AANAT: variants seen among roughly 807,000 people sequenced by gnomAD.
The protein encoded by AANAT is serotonin N-acetyltransferase.
In AANAT, 11 loss-of-function variants were observed where a neutral mutation model predicts 15.6. That is an observed-to-expected ratio of 0.71 (90% CI 0.44 to 1.17). The LOEUF is 1.17. Ranked by LOEUF, AANAT falls within the 50% of genes most tolerant of loss-of-function variation. The probability of loss-of-function intolerance (pLI) is 0.00; values close to 1 mark genes in which losing one functional copy is unlikely to be tolerated. For synonymous variants in AANAT, 139 were observed against 131.5 expected (o/e 1.06, Z -0.39); for missense variants, 286 against 296.3 (o/e 0.97, Z 0.26).
At chr17:76,465,712 T>C (rs2143973484), upstream of AANAT, among the ~76,000 whole-genome samples, 1 of 152,048 alleles carries the variant, frequency 6.6e-6, no homozygotes, top group Admixed American at 6.6e-5. Context: ...TCATTGGTGG[T>C]GGTATGTGGT....
intron 2 of AANAT, among the ~76,000 whole-genome samples, chr17:76,460,993 C>T (rs578107587): frequency 5.3e-5 from 8 of 151,778 alleles, no homozygotes; most frequent in East Asian, 3.9e-4. Flanking sequence ...GGTGAAACCC[C>T]GTCTCTACTA....
Position 76,469,433 on chromosome 17 carries a change from C to T in AANAT, c.318+106C>T. On this transcript the variant is annotated intron_variant, in intron 3 of 3. Coordinates refer to ENST00000392492, the MANE Select transcript of AANAT (RefSeq NM_001088.3). The surrounding 1 kb of genome is among the most constrained non-coding windows in gnomAD (Gnocchi z 5.2). The stretch of plus-strand genomic sequence containing the variant: ...GGGGCTGGGATTTCTTCCTCCAGAA[C>T]TGGAGAGATGAGTACAGGCCACAGG... 1 of 1,490,944 alleles carries T rather than the reference C, an allele frequency of 6.7e-7. No individual in the cohort carries two copies. Among genetic ancestry groups the T allele is most frequent in the Non-Finnish European group, 9.1e-7 (1 of 1,097,466 alleles). 92.4% of individuals were successfully genotyped at this position (1,490,944 alleles called of 1,614,324 possible). A position where few individuals can be genotyped will look rare whatever the true frequency, so the allele number is the denominator to read the frequency against.
chr17:76,468,040 C>T (rs1223435669), intron 1 of AANAT, among the ~76,000 whole-genome samples: 1 of 152,026 alleles, frequency 6.6e-6, no homozygotes, highest in African/African-American at 2.4e-5. Flanking sequence ...CACCCCCCAC[C>T]ACAAATCCTG....
At chr17:76,462,680 G>A (rs1004732372), upstream of AANAT, among the ~76,000 whole-genome samples, 3 of 152,162 alleles carry the variant, frequency 2.0e-5, no homozygotes, top group African/African-American at 4.8e-5. Flanking sequence ...AGCCTGCCAC[G>A]TGGTAGTACT....
chr17:76,459,955 A>AT (rs1173198106), intron 2 of AANAT, among the ~76,000 whole-genome samples: 1 of 152,040 alleles, frequency 6.6e-6, no homozygotes, highest in African/African-American at 2.4e-5. Context: ...GTGACTGAAA[A>AT]TGCAAGCACG....
chr17:76,465,834 G>A (rs1221496422), upstream of AANAT: 7 of 299,886 alleles, frequency 2.3e-5, no homozygotes, highest in South Asian at 5.6e-5. Context: ...TTAACATACC[G>A]CCTCATCTTT....
rs1251921910 is a variant in AANAT, at chr17:76,468,870, C to A, written c.124C>A (p.Pro42Thr). 6.2e-7 allele frequency: 1 copy of A among 1,613,554 alleles called. No homozygotes were observed. The highest frequency in any genetic ancestry group is 1.3e-5 in the African/African-American group (1 of 74,926). Reference sequence around the variant, plus strand: ...TGCCAGTGAGTTTCGCTGCCTCACCCCGGAGGACGCTGTCAGCGCCTTTGA... The same window carrying A: ...TGCCAGTGAGTTTCGCTGCCTCACCACGGAGGACGCTGTCAGCGCCTTTGA... ...LPASEFRCLT[P>T]EDAVSAFEIE... Residue 42 changes from proline to threonine, a missense_variant, in exon 2 of 4, where the codon CCG becomes ACG. Coordinates refer to ENST00000392492, the MANE Select transcript of AANAT (RefSeq NM_001088.3).
intron 1 of AANAT, among the ~76,000 whole-genome samples, chr17:76,459,019 C>T (rs941542106): frequency 1.3e-5 from 2 of 152,210 alleles, no homozygotes; most frequent in Non-Finnish European, 2.9e-5. Flanking sequence ...CTCACCTGCT[C>T]CTTGCACAGG....
At chr17:76,468,214 A>G (rs993730039) in intron 1 of AANAT, among the ~76,000 whole-genome samples, 5 of 152,172 alleles carry the variant, frequency 3.3e-5, no homozygotes, top group Non-Finnish European at 5.9e-5. Flanking sequence ...CTGGGGAGGT[A>G]AGATAAACCA....
In AANAT at chr17:76,458,992, C is replaced by T. The variant is rs147896800; in HGVS notation, c.-575-255C>T. ...CAAGGCTTTTGGAGTTAAAACGGCC[C>T]TTCTCATTCCTGGAGCCTCACCTGC... On this transcript the variant is annotated intron_variant, in intron 1 of 6. Coordinates refer to the AANAT transcript ENST00000250615. Among the ~76,000 whole-genome samples, 51 of 152,324 alleles carry T rather than the reference C, an allele frequency of 3.3e-4. 1 individual carries two copies. The East Asian group carries it at 6.2e-3, about 18-fold the overall frequency.
chr17:76,466,168 G>GT (rs755961969), upstream of AANAT: 2 of 1,536,976 alleles, frequency 1.3e-6, no homozygotes, highest in South Asian at 2.4e-5. Flanking sequence ...CCACCAGGGG[G>GT]TGCCATGGAG....
rs777231816 is a variant in AANAT, at chr17:76,469,752, G to A, written c.406G>A (p.Gly136Ser). Residue 136 changes from glycine (G) to serine (S), a missense_variant, in exon 4 of 4, where the codon GGC becomes AGC. Physicochemically the swap from Gly to Ser is moderately conservative, Grantham distance 56. Coordinates refer to ENST00000392492, the MANE Select transcript of AANAT (RefSeq NM_001088.3). This position sits in a 1 kb window ranked among gnomAD's most constrained non-coding sequence, Gnocchi z 5.2. ...CCGCGCCTTCCGGCAGCAGGGCAGG[G>A]GCCCCATCCTGCTGTGGCGCTACCT... ...VHRAFRQQGR[G>S]PILLWRYLHH... The A allele has an allele frequency of 1.9e-6, 3 of 1,571,326 alleles. No individual in the cohort carries two copies. Among genetic ancestry groups the A allele is most frequent in the African/African-American group, 2.7e-5 (2 of 74,032 alleles).
At chr17:76,459,919 A>G (rs11077823) in intron 2 of AANAT, among the ~76,000 whole-genome samples, 129,955 of 152,202 alleles carry the variant, frequency 0.85, 55,721 homozygotes, top group East Asian at 1. Flanking sequence ...CAGGCCGTCT[A>G]ATCTGTCTGC....
At chr17:76,463,459 C>G (rs1005978415), upstream of AANAT, among the ~76,000 whole-genome samples, 17 of 151,998 alleles carry the variant, frequency 1.1e-4, no homozygotes, top group Non-Finnish European at 2.2e-4. Flanking sequence ...AGGCACCCAC[C>G]ACCACGCCCA....
chr17:76,464,526 G>C (rs1004052122), upstream of AANAT, among the ~76,000 whole-genome samples: 1 of 152,036 alleles, frequency 6.6e-6, no homozygotes, highest in African/African-American at 2.4e-5. Context: ...GGACCCCTGA[G>C]GGGAGCCATC....
chr17:76,467,600 G>A (rs538315806), upstream of AANAT: 7 of 985,396 alleles, frequency 7.1e-6, no homozygotes, highest in African/African-American at 1.7e-5. Flanking sequence ...CAGGCTGCCC[G>A]GGGAACATCT....
upstream of AANAT, chr17:76,467,439 C>A: frequency 1.5e-6 from 1 of 671,812 alleles, no homozygotes; most frequent in Non-Finnish European, 1.8e-6. Context: ...CTCAGTCAGC[C>A]TCTGGTAATC....
chr17:76,465,345 T>TA (rs1491520836), upstream of AANAT, among the ~76,000 whole-genome samples: 1 of 11,780 alleles, frequency 8.5e-5, no homozygotes, highest in Non-Finnish European at 2.3e-4. Context: ...GAGGTCAGGA[T>TA]TTTTTTTTTT....
upstream of AANAT, among the ~76,000 whole-genome samples, chr17:76,463,807 T>C (rs1442981840): frequency 6.6e-6 from 1 of 152,226 alleles, no homozygotes; most frequent in Non-Finnish European, 1.5e-5. Context: ...TCCCAAAAGC[T>C]TGGTTCTCAG....
Sources: gnomAD v4.1 joint callset for allele counts (sites outside exome capture counted in the v4.1 genomes callset) on GRCh38, gnomAD v4.1.1 for gene constraint, Gnocchi (gnomAD v3.1) non-coding constraint, MANE v1.5 for transcripts, NCBI Gene and HGNC (gene_info 2026-07-23, HGNC 2026-07-21) for gene names.